Variants in PCDHA1 observed in about 807,000 individuals in gnomAD.
PCDHA1 encodes protocadherin alpha 1.
Under a neutral mutation model 61.3 loss-of-function variants are expected in PCDHA1, and 42 were observed. That is an observed-to-expected ratio of 0.69 (90% confidence interval 0.54 to 0.89). The LOEUF is 0.89. Ranked by LOEUF, PCDHA1 falls within the 40% of genes least tolerant of loss-of-function variation. PCDHA1 has a pLI of 0.00. For missense variants in PCDHA1, 1,256 were observed against 1,235.3 expected, an observed-to-expected ratio of 1.02 and a Z score of -0.25; for synonymous variants, 610 against 553.8, an observed-to-expected ratio of 1.10 and a Z score of -1.43.
At chr5:141,009,482 C>T in intron 3 of PCDHA1, 145 bp from the exon 4 acceptor site, 1 of 1,446,086 alleles carries the variant, frequency 6.9e-7, no homozygotes, top group Non-Finnish European at 9.1e-7. Flanking sequence ...TAAACACTTG[C>T]CTTGCCCTCA....
chr5:140,898,965 G>T (rs2067069000), intron 1 of PCDHA1, among the ~76,000 whole-genome samples: 1 of 152,044 alleles, frequency 6.6e-6, no homozygotes, highest in Non-Finnish European at 1.5e-5. Flanking sequence ...GTGAATGGGA[G>T]TTCACTCATG....
At chr5:140,841,343 G>T (rs1554138115) in intron 1 of PCDHA1, 1 of 1,612,324 alleles carries the variant, frequency 6.2e-7, no homozygotes, top group Non-Finnish European at 8.5e-7. Context: ...CTGGCGAGGA[G>T]AGCTGGGATC....
chr5:140,788,504 T>G lies in PCDHA1; in HGVS notation c.2214T>G (p.Thr738=). 6.2e-7 allele frequency: 1 copy of G among 1,614,080 alleles called. No individual in the cohort carries two copies. The highest frequency in any genetic ancestry group is 8.5e-7 in the Non-Finnish European group (1 of 1,179,980). The part of the protein sequence containing the change: ...TEGAYVPGKP[T]LVCSSALGSW... ...GTGCGTATGTGCCGGGCAAGCCCAC[T>G]CTGGTGTGCTCCAGCGCGTTGGGGA... The change falls in exon 1 of 4, where the codon ACT becomes ACG. Residue 738 remains threonine (T), a synonymous_variant. Coordinates refer to ENST00000504120, the MANE Select transcript of PCDHA1 (RefSeq NM_018900.4).
chr5:140,942,115 A>T (rs1440934670), intron 1 of PCDHA1, among the ~76,000 whole-genome samples: 2 of 152,232 alleles, frequency 1.3e-5, no homozygotes, highest in Non-Finnish European at 2.9e-5. Flanking sequence ...ATCAAACTTT[A>T]TTAAAGGTGA....
At chr5:140,928,711 A>C in intron 1 of PCDHA1, 1 of 1,614,098 alleles carries the variant, frequency 6.2e-7, no homozygotes, top group South Asian at 1.1e-5. Flanking sequence ...GTCTGACTCT[A>C]GTCTCTTTAG....
intron 1 of PCDHA1, chr5:140,830,296 C>G: frequency 1.2e-6 from 2 of 1,613,846 alleles, no homozygotes; most frequent in Non-Finnish European, 1.7e-6. Context: ...GCACGGCGGA[C>G]AAGCCCACGC....
chr5:140,870,493 A>T (rs782514435), intron 1 of PCDHA1: 2 of 1,614,214 alleles, frequency 1.2e-6, no homozygotes, highest in South Asian at 2.2e-5. Context: ...CGTGTTCGTG[A>T]AGGAGAACAA....
chr5:140,863,737 A>G (rs758176321), intron 1 of PCDHA1: 1 of 251,160 alleles, frequency 4.0e-6, no homozygotes, highest in East Asian at 1.0e-4. Flanking sequence ...GCTCATGCCT[A>G]TTTGTAATCC....
intron 3 of PCDHA1, among the ~76,000 whole-genome samples, chr5:140,992,705 T>C (rs1291266922): frequency 6.6e-6 from 1 of 152,188 alleles, no homozygotes; most frequent in African/African-American, 2.4e-5. Flanking sequence ...GTAATGTTCC[T>C]GCCAGTATTC....
intron 1 of PCDHA1, chr5:140,802,957 C>T (rs368124157): frequency 6.2e-7 from 1 of 1,613,882 alleles, no homozygotes; most frequent in Non-Finnish European, 8.5e-7. Flanking sequence ...TCAGTGGGTG[C>T]GGGCCACGTG....
chr5:140,938,468 A>G (rs1427570517), intron 1 of PCDHA1, among the ~76,000 whole-genome samples: 1 of 152,096 alleles, frequency 6.6e-6, no homozygotes, highest in African/African-American at 2.4e-5. Context: ...TTAATTTATT[A>G]TGTTTTTTAA....
chr5:140,822,593 A>G (rs2150117634), intron 1 of PCDHA1: 1 of 1,611,374 alleles, frequency 6.2e-7, no homozygotes, highest in East Asian at 2.2e-5. Flanking sequence ...GAGGGCATCA[A>G]TAAGGAAATA....
At chr5:140,901,329 T>A (rs180738358) in intron 1 of PCDHA1, among the ~76,000 whole-genome samples, 102 of 152,302 alleles carry the variant, frequency 6.7e-4, no homozygotes, top group Admixed American at 1.2e-3. Context: ...TTTCTTGTAG[T>A]CGTTTTATAG....
chr5:140,849,032 C>T (rs2040752468), intron 1 of PCDHA1: 1 of 1,579,200 alleles, frequency 6.3e-7, no homozygotes, highest in Non-Finnish European at 8.6e-7. Flanking sequence ...AGTATTTCTT[C>T]CTGGACGTGC....
At chr5:141,003,982 G>A (rs914206731) in intron 3 of PCDHA1, among the ~76,000 whole-genome samples, 25 of 152,152 alleles carry the variant, frequency 1.6e-4, no homozygotes, top group African/African-American at 5.6e-4. Flanking sequence ...GGGACTTGCC[G>A]GAGATCCTAG....
At position 140,842,965 on chromosome 5, in the gene PCDHA1, C is replaced by A. The variant is rs2150348785; in HGVS notation, c.2394+54281C>A. 5 of 1,594,984 alleles carry A rather than the reference C, an allele frequency of 3.1e-6. 1 individual carries two copies. Among genetic ancestry groups the A allele is most frequent in the East Asian group, 4.5e-5 (2 of 44,816 alleles). On this transcript the variant is annotated intron_variant, in intron 1 of 3. Transcript: ENST00000504120. Reference sequence around the variant, plus strand: ...CGGGCGTGCCGCCTCTGGGCAGCAACGTGACGCTGCAGGTGTTCGTGCTGG... The same window carrying A: ...CGGGCGTGCCGCCTCTGGGCAGCAAAGTGACGCTGCAGGTGTTCGTGCTGG...
intron 1 of PCDHA1, among the ~76,000 whole-genome samples, chr5:140,794,262 A>G (rs1160177902): frequency 6.6e-6 from 1 of 152,250 alleles, no homozygotes; most frequent in Non-Finnish European, 1.5e-5. Context: ...TTGAATGAAT[A>G]AACAAAACGT....
intron 1 of PCDHA1, chr5:140,869,756 GA>G: frequency 6.2e-7 from 1 of 1,613,194 alleles, no homozygotes; most frequent in South Asian, 1.1e-5. Context: ...ACAGACGGGG[GA>G]AAACCAGAGC....
intron 1 of PCDHA1, chr5:140,836,297 T>G (rs2150257087): frequency 1.2e-6 from 2 of 1,613,576 alleles, no homozygotes; most frequent in African/African-American, 1.3e-5. Context: ...GAGCCCTAGA[T>G]GAGACGGACG....
Sources: allele counts gnomAD v4.1 joint callset (sites outside exome capture counted in the v4.1 genomes callset), GRCh38; gene constraint gnomAD v4.1.1; transcripts MANE v1.5; gene names NCBI Gene and HGNC (gene_info 2026-07-23, HGNC 2026-07-21).